The following CPM variants were observed in gnomAD, a reference collection of about 807,000 sequenced individuals.
CPM encodes carboxypeptidase M, also known as renal carboxypeptidase.
In CPM, 35 loss-of-function variants were observed where a neutral mutation model predicts 46.4. The ratio of observed to expected loss-of-function variants is 0.75; its 90% CI spans 0.58 to 1.00. CPM has a LOEUF of 1.00. Ranked by LOEUF, CPM falls within the 50% of genes least tolerant of loss-of-function variation. The probability of loss-of-function intolerance (pLI) is 0.00; values close to 1 mark genes in which losing one functional copy is unlikely to be tolerated. For missense variants in CPM, 422 were observed against 530.4 expected, an observed-to-expected ratio of 0.80 and a Z score of 2.01; for synonymous variants, 195 against 195.3, an observed-to-expected ratio of 1.00 and a Z score of 0.01.
intron 1 of CPM, among the ~76,000 whole-genome samples, chr12:68,941,643 A>T (rs1002517140): frequency 6.6e-6 from 1 of 152,136 alleles, no homozygotes; most frequent in Non-Finnish European, 1.5e-5. Context: ...TTAAAGACAC[A>T]TTTTCTTGAA....
At chr12:68,908,598 T>C (rs1887450112) in intron 2 of CPM, among the ~76,000 whole-genome samples, 1 of 152,124 alleles carries the variant, frequency 6.6e-6, no homozygotes, top group Admixed American at 6.6e-5. Context: ...ATGAAATCTA[T>C]CTACATACCA....
chr12:68,877,665 T>G (rs1795475), intron 3 of CPM, among the ~76,000 whole-genome samples: 23,088 of 152,158 alleles, frequency 0.15, 3,541 homozygotes, highest in African/African-American at 0.39. Context: ...ATTTAATTAT[T>G]CAAACCACAG....
chr12:68,875,808 A>C (rs928950570), intron 3 of CPM, among the ~76,000 whole-genome samples: 2 of 151,762 alleles, frequency 1.3e-5, no homozygotes, highest in Non-Finnish European at 2.9e-5. Context: ...TGTCTCAAAA[A>C]AAAAAAAAAA....
chr12:68,942,411 A>G (rs981794694), intron 1 of CPM, among the ~76,000 whole-genome samples: 2 of 152,242 alleles, frequency 1.3e-5, no homozygotes, highest in Non-Finnish European at 2.9e-5. Flanking sequence ...CAAAAAGCGT[A>G]CCATAGGAAG....
At chr12:68,842,485 C>T in intron 5 of CPM, 1 of 397,104 alleles carries the variant, frequency 2.5e-6, no homozygotes, top group South Asian at 2.1e-5. Flanking sequence ...TATATAAGGT[C>T]ACTCCGATGA....
At chr12:68,912,954 T>C (rs941430356) in intron 2 of CPM, among the ~76,000 whole-genome samples, 1 of 152,172 alleles carries the variant, frequency 6.6e-6, no homozygotes, top group Non-Finnish European at 1.5e-5. Flanking sequence ...ATGATCCCAG[T>C]GGTGAGGACT....
At chr12:68,895,028 C>CAAAAAAA (rs35142646) in intron 2 of CPM, among the ~76,000 whole-genome samples, 66 of 78,232 alleles carry the variant, frequency 8.4e-4, no homozygotes, top group Non-Finnish European at 1.3e-3. Context: ...GACTCAGTCT[C>CAAAAAAA]AAAAAAAAAA....
chr12:68,895,732 C>G (rs368467689), intron 2 of CPM, among the ~76,000 whole-genome samples: 1 of 152,280 alleles, frequency 6.6e-6, no homozygotes. Flanking sequence ...GTAATCCCAG[C>G]ACTTTGGGAG....
chr12:68,868,166 T>A (rs1038287827), intron 6 of CPM, among the ~76,000 whole-genome samples: 3 of 152,206 alleles, frequency 2.0e-5, no homozygotes, highest in African/African-American at 7.2e-5. Flanking sequence ...CTGGACAGGA[T>A]GGGCCCTTTC....
intron 5 of CPM, chr12:68,842,368 A>G (rs550168792): frequency 1.0e-4 from 50 of 495,156 alleles, no homozygotes; most frequent in Admixed American, 1.6e-4. Context: ...CAGGATGCAG[A>G]CATGGCAGAG....
intron 1 of CPM, among the ~76,000 whole-genome samples, chr12:68,947,773 T>C (rs1191174999): frequency 6.6e-6 from 1 of 152,070 alleles, no homozygotes; most frequent in Admixed American, 6.5e-5. Context: ...GCCCCCGAAG[T>C]AGCTGGGACT....
chr12:68,850,712 C>T (rs1884628871), downstream of CPM: 1 of 152,066 alleles, frequency 6.6e-6, no homozygotes, highest in South Asian at 2.1e-4. Context: ...CAGTATTTCC[C>T]AAAATGTGTT....
intron 2 of CPM, among the ~76,000 whole-genome samples, chr12:68,889,800 A>G (rs1886580907): frequency 6.6e-6 from 1 of 152,188 alleles, no homozygotes; most frequent in South Asian, 2.1e-4. Flanking sequence ...CCCAAGGCGC[A>G]AGTCCACTTG....
intron 5 of CPM, chr12:68,846,118 A>C (rs1355620640): frequency 6.6e-6 from 1 of 151,854 alleles, no homozygotes. Flanking sequence ...CACCTGGCTA[A>C]TTTTTTTTGT....
At chr12:68,927,633 C>G (rs1888325490) in intron 2 of CPM, among the ~76,000 whole-genome samples, 1 of 152,030 alleles carries the variant, frequency 6.6e-6, no homozygotes, top group Non-Finnish European at 1.5e-5. Flanking sequence ...ACATGAAGTC[C>G]TTGCCCGTGC....
intron 2 of CPM, among the ~76,000 whole-genome samples, chr12:68,931,763 A>AAAAAAAAAAAAAAAAAAAAAAAAAG (rs1482981614): frequency 1.5e-5 from 2 of 132,506 alleles, no homozygotes; most frequent in Non-Finnish European, 3.1e-5. Context: ...AAAAAAAAAA[A>AAAAAAAAAAAAAAAAAAAAAAAAAG]AAAGAAAGAA....
chr12:68,854,065 T>C lies in CPM; in HGVS notation c.*2372A>G, dbSNP rs1884853753. 6.6e-6 allele frequency: 1 copy of C among 152,148 alleles called. No individual in the cohort carries two copies. Among genetic ancestry groups the C allele is most frequent in the African/African-American group, 2.4e-5 (1 of 41,430 alleles). 9.4% of individuals were successfully genotyped at this position (152,148 alleles called of 1,614,324 possible). ...GGTACTTTGTAGTGCTGTTAGGAGG[T>C]AACATAATACCTTTACTACCAATCT... On this transcript the variant is annotated 3_prime_UTR_variant, in exon 9 of 9. Coordinates refer to ENST00000551568, the MANE Select transcript of CPM (RefSeq NM_198320.5).
chr12:68,916,527 T>C (rs1887811121), intron 2 of CPM, among the ~76,000 whole-genome samples: 1 of 152,200 alleles, frequency 6.6e-6, no homozygotes, highest in South Asian at 2.1e-4. Flanking sequence ...TCTGGTTTAT[T>C]TACCCTGGTG....
rs1315859949 is a variant in CPM at position 68,856,132 on chromosome 12, C to T, written c.*305G>A. On this transcript the variant is annotated 3_prime_UTR_variant, in exon 9 of 9. Coordinates refer to ENST00000551568, the MANE Select transcript of CPM (RefSeq NM_198320.5). ...TACAAAATGATCTTCTTTTTGCAGGCATTTTTTTGCTTCTCAAGTTTTAAC... is the reference window on the plus strand; with the variant it reads ...TACAAAATGATCTTCTTTTTGCAGGTATTTTTTTGCTTCTCAAGTTTTAAC... 3.2e-6 allele frequency: 1 copy of T among 314,374 alleles called. No individual in the cohort carries two copies. Among genetic ancestry groups the T allele is most frequent in the East Asian group, 5.8e-5 (1 of 17,098 alleles). The allele number at this position is 314,374 out of a possible 1,614,324, so 19.5% of individuals were successfully genotyped here.
Sources: gnomAD v4.1 joint callset for allele counts (sites outside exome capture counted in the v4.1 genomes callset) on GRCh38, gnomAD v4.1.1 for gene constraint, MANE v1.5 for transcripts, NCBI Gene and HGNC (gene_info 2026-07-23, HGNC 2026-07-21) for gene names.